The following DNAAF11 variants were observed in gnomAD, a reference collection of about 807,000 sequenced individuals.
DNAAF11 encodes the protein dynein axonemal assembly factor 11.
In DNAAF11, 45 loss-of-function variants were observed where a neutral mutation model predicts 60.8. The observed-to-expected ratio is 0.74, with a 90% CI of 0.58 to 0.95. The LOEUF (loss-of-function observed/expected upper bound fraction) is 0.95, where lower values mean the gene tolerates loss of function less well. Ranked by LOEUF, DNAAF11 falls within the 40% of genes least tolerant of loss-of-function variation. DNAAF11 has a pLI of 0.00. For missense variants in DNAAF11, 546 were observed against 546.2 expected (o/e 1.00, Z 0.00); for synonymous variants, 191 against 183.5 (o/e 1.04, Z -0.33).
At chr8:132,611,586 A>T (rs1818678297) in intron 8 of DNAAF11, among the ~76,000 whole-genome samples, 1 of 152,192 alleles carries the variant, frequency 6.6e-6, no homozygotes, top group South Asian at 2.1e-4. Context: ...CTTGGCATTG[A>T]TTGCCCCTAA....
At chr8:132,616,304 G>GT (rs1819145282) in intron 7 of DNAAF11, among the ~76,000 whole-genome samples, 1 of 152,112 alleles carries the variant, frequency 6.6e-6, no homozygotes, top group African/African-American at 2.4e-5. Context: ...AAAGGAGCGT[G>GT]TATCCTTTCT....
At chr8:132,648,859 G>C (rs1387046041) in intron 3 of DNAAF11, among the ~76,000 whole-genome samples, 1 of 152,158 alleles carries the variant, frequency 6.6e-6, no homozygotes, top group Non-Finnish European at 1.5e-5. Flanking sequence ...CGAAATAAAA[G>C]AGGACATAAA....
chr8:132,687,774 A>G, the DNAAF11 span: 17 of 442,606 alleles, frequency 3.8e-5, no homozygotes, highest in Non-Finnish European at 7.3e-5. Context: ...TCACTAAATT[A>G]TGCTGCTTTT....
At chr8:132,611,568 C>G (rs530098115) in intron 8 of DNAAF11, among the ~76,000 whole-genome samples, 1 of 152,154 alleles carries the variant, frequency 6.6e-6, no homozygotes, top group Non-Finnish European at 1.5e-5. Flanking sequence ...TTTAGACCCA[C>G]AAGTATACTT....
Position 132,571,183 on chromosome 8 carries a change from C to T in DNAAF11, c.*1123G>A, listed in dbSNP as rs1355377348. Among the ~76,000 whole-genome samples the T allele has an allele frequency of 6.6e-6, 1 of 152,190 alleles. No homozygotes were observed. The highest frequency in any genetic ancestry group is 2.4e-5 in the African/African-American group (1 of 41,436). On this transcript the variant is annotated 3_prime_UTR_variant, in exon 12 of 12. Coordinates refer to ENST00000620350, the MANE Select transcript of DNAAF11 (RefSeq NM_012472.6). ...AAAAAGCACCCATCACCCTTGATTC[C>T]CTCACTCTGACTCTCCTTCACAGCT...
At chr8:132,687,479 ACT>A in the DNAAF11 span, 21 of 378,844 alleles carry the variant, frequency 5.5e-5, no homozygotes, top group Non-Finnish European at 1.1e-4. Flanking sequence ...ATGCCAGGTG[ACT>A]CTGCCTTCCC....
At chr8:132,698,529 T>G in the DNAAF11 span, among the ~76,000 whole-genome samples, 1 of 152,162 alleles carries the variant, frequency 6.6e-6, no homozygotes, top group African/African-American at 2.4e-5. Flanking sequence ...ACAATGTGCC[T>G]GGTATAAAGA....
At chr8:132,623,971 A>C (rs1488871526) in intron 6 of DNAAF11, among the ~76,000 whole-genome samples, 1 of 152,152 alleles carries the variant, frequency 6.6e-6, no homozygotes, top group East Asian at 1.9e-4. Context: ...GGGAAATCTA[A>C]GGTGTCCAAA....
At chr8:132,693,629 CAT>C in the DNAAF11 span, among the ~76,000 whole-genome samples, 1 of 151,846 alleles carries the variant, frequency 6.6e-6, no homozygotes, top group Admixed American at 6.6e-5. Context: ...AATTTCATGG[CAT>C]GTCAGGTACT....
chr8:132,683,158 T>C, the DNAAF11 span, among the ~76,000 whole-genome samples: 9 of 152,112 alleles, frequency 5.9e-5, no homozygotes, highest in African/African-American at 1.9e-4. Context: ...TCCTAATATA[T>C]AGGACAAATA....
intron 1 of DNAAF11, among the ~76,000 whole-genome samples, chr8:132,672,996 G>A (rs565098063): frequency 4.6e-5 from 7 of 152,164 alleles, no homozygotes; most frequent in East Asian, 3.9e-4. Flanking sequence ...GAAAGGCAGC[G>A]GAAAAAAGGG....
intron 4 of DNAAF11, among the ~76,000 whole-genome samples, chr8:132,635,563 T>C (rs1240090308): frequency 6.6e-6 from 1 of 152,196 alleles, no homozygotes; most frequent in African/African-American, 2.4e-5. Flanking sequence ...CTGACTCTCC[T>C]CACACCTCTT....
upstream of DNAAF11, among the ~76,000 whole-genome samples, chr8:132,676,405 G>A (rs2130929647): frequency 6.6e-6 from 1 of 152,126 alleles, no homozygotes; most frequent in East Asian, 1.9e-4. Context: ...TATTATGAAA[G>A]TAATTATTAT....
At chr8:132,648,053 C>CA (rs1563681036) in intron 3 of DNAAF11, among the ~76,000 whole-genome samples, 1 of 152,062 alleles carries the variant, frequency 6.6e-6, no homozygotes, top group East Asian at 1.9e-4. Flanking sequence ...AGAGACACAA[C>CA]AAAAAAAGAG....
rs1814187334 is a variant in DNAAF11, at chr8:132,571,535, G to A, written c.*771C>T. 6.6e-6 allele frequency among the ~76,000 whole-genome samples: 1 copy of A among 152,010 alleles called. No individual in the cohort carries two copies. The highest frequency in any genetic ancestry group is 2.4e-5 in the African/African-American group (1 of 41,382). On this transcript the variant is annotated 3_prime_UTR_variant, in exon 12 of 12. Coordinates refer to ENST00000620350, the MANE Select transcript of DNAAF11 (RefSeq NM_012472.6). Reference sequence around the variant, plus strand: ...AAGAATAAGGGGAGAAAAGTAATTGGGGAGGGAGGGGAAGAAGGAGCAGGG... The same window carrying A: ...AAGAATAAGGGGAGAAAAGTAATTGAGGAGGGAGGGGAAGAAGGAGCAGGG...
At chr8:132,594,509 CTG>C (rs1816788394) in intron 10 of DNAAF11, among the ~76,000 whole-genome samples, 1 of 152,194 alleles carries the variant, frequency 6.6e-6, no homozygotes, top group African/African-American at 2.4e-5. Context: ...TGGTTTGACT[CTG>C]TGTCCCCACC....
At chr8:132,624,812 C>T (rs549362829) in intron 6 of DNAAF11, among the ~76,000 whole-genome samples, 1 of 152,190 alleles carries the variant, frequency 6.6e-6, no homozygotes, top group African/African-American at 2.4e-5. Context: ...GTAAACAACT[C>T]AAAAGTGAAA....
chr8:132,612,570 C>T (rs117260397), intron 8 of DNAAF11, among the ~76,000 whole-genome samples: 9 of 152,296 alleles, frequency 5.9e-5, no homozygotes, highest in Non-Finnish European at 1.3e-4. Context: ...CACTGTCCCT[C>T]TCCTTGACAG....
At position 132,637,940 on chromosome 8, in the gene DNAAF11, A is replaced by G; in HGVS notation, c.424T>C (p.Leu142=). The G allele has an allele frequency of 6.2e-7, 1 of 1,604,836 alleles. No homozygotes were observed. Among genetic ancestry groups the G allele is most frequent in the Non-Finnish European group, 8.5e-7 (1 of 1,175,958 alleles). ...REFVVATLPQ[L]KWLDGKEIEP... ...CACCATTAAAAGAACCATACCTTTA[A>G]TTGTGGAAGAGTTGCTACCACGAAC... The change falls in exon 4 of 12, where the codon TTA becomes CTA. Residue 142 remains leucine (L), a synonymous_variant. Transcript: ENST00000620350.
Sources: allele counts gnomAD v4.1 joint callset (sites outside exome capture counted in the v4.1 genomes callset), GRCh38; gene constraint gnomAD v4.1.1; transcripts MANE v1.5; gene names NCBI Gene and HGNC (gene_info 2026-07-23, HGNC 2026-07-21).